Variants in LRRC49 observed in about 807,000 individuals in gnomAD.
LRRC49 encodes the protein leucine-rich repeat-containing protein 49.
Under a neutral mutation model 83.3 loss-of-function variants are expected in LRRC49, and 50 were observed. The observed-to-expected ratio is 0.60, with a 90% confidence interval of 0.48 to 0.76. The LOEUF (loss-of-function observed/expected upper bound fraction) is 0.76, where lower values mean the gene tolerates loss of function less well. Ranked by LOEUF, LRRC49 falls within the 30% of genes least tolerant of loss-of-function variation. The probability of loss-of-function intolerance (pLI) is 0.00; values close to 1 mark genes in which losing one functional copy is unlikely to be tolerated. For missense variants in LRRC49, 704 were observed against 809.1 expected (o/e 0.87, Z 1.58); for synonymous variants, 286 against 283.3 (o/e 1.01, Z -0.10).
chr15:70,980,180 T>G lies in LRRC49; in HGVS notation c.1001T>G (p.Leu334Arg). Residue 334 changes from leucine to arginine, a missense_variant, in exon 10 of 16, where the codon CTT becomes CGT. Around this residue, in one of 3 missense-constraint regions of LRRC49, gnomAD observed 168 missense variants for 140.6 expected, o/e 1.20. Transcript: ENST00000260382. ...KKRESHKQSL[L>R]KEKKRLTINN... Reference sequence around the variant, plus strand: ...CGGGAAAGTCATAAACAATCTTTGCTTAAGGTATTTTCTCTGATGTCTACA... The same window carrying G: ...CGGGAAAGTCATAAACAATCTTTGCGTAAGGTATTTTCTCTGATGTCTACA... 3 of 1,610,272 alleles carry G rather than the reference T, an allele frequency of 1.9e-6. No homozygotes were observed. The highest frequency in any genetic ancestry group is 2.5e-6 in the Non-Finnish European group (3 of 1,177,836).
intron 8 of LRRC49, among the ~76,000 whole-genome samples, chr15:70,946,867 G>A (rs2036026528): frequency 6.6e-6 from 1 of 151,720 alleles, no homozygotes; most frequent in Admixed American, 6.6e-5. Context: ...TTGGCCATTT[G>A]TAATCCTCTT....
In LRRC49 at chr15:70,854,047, C is replaced by T. The variant is rs1190319176; in HGVS notation, c.-299+578C>T. 2.8e-6 allele frequency: 4 copies of T among 1,428,450 alleles called. No individual in the cohort carries two copies. The African/African-American group carries it at 4.4e-5, about 16-fold the overall frequency. The allele number at this position is 1,428,450 out of a possible 1,614,324, so 88.5% of individuals were successfully genotyped here. A position where few individuals can be genotyped will look rare whatever the true frequency, so the allele number is the denominator to read the frequency against. ...GGATGGCGACGCGGATCTGCACCGC[C>T]GTCTTGGGCCCGGGCCGAGCCTCCC... On this transcript the variant is annotated intron_variant, in intron 1 of 16. Transcript: ENST00000544974.
chr15:70,898,296 TAG>T (rs1437108221), intron 3 of LRRC49: 1 of 642,702 alleles, frequency 1.6e-6, no homozygotes, highest in Non-Finnish European at 2.8e-6. Flanking sequence ...ACACGCAAAA[TAG>T]ATTTTCAATT....
chr15:71,033,041 G>A lies in LRRC49; in HGVS notation c.1704-4138G>A, dbSNP rs568431733. Among the ~76,000 whole-genome samples the A allele has an allele frequency of 9.2e-5, 14 of 152,270 alleles. No individual in the cohort carries two copies. In the East Asian group the frequency reaches 1.3e-3, roughly 15 times the overall value. Reference sequence around the variant, plus strand: ...ATCAGGCAAGAGAAAGAAATAAAGCGTATTCAAAAAGGAAGAGAAGAAGTC... The same window carrying A: ...ATCAGGCAAGAGAAAGAAATAAAGCATATTCAAAAAGGAAGAGAAGAAGTC... On this transcript the variant is annotated intron_variant, in intron 14 of 15. Coordinates refer to ENST00000260382, the MANE Select transcript of LRRC49 (RefSeq NM_017691.5).
intron 11 of LRRC49, among the ~76,000 whole-genome samples, chr15:71,006,748 G>A (rs141198780): frequency 6.6e-6 from 1 of 152,216 alleles, no homozygotes; most frequent in East Asian, 1.9e-4. Flanking sequence ...AAGGCAACAA[G>A]TAATTGCAGT....
intron 8 of LRRC49, among the ~76,000 whole-genome samples, chr15:70,941,860 G>A (rs746003830): frequency 1.3e-5 from 2 of 151,918 alleles, no homozygotes; most frequent in Non-Finnish European, 2.9e-5. Flanking sequence ...AATTGTAATC[G>A]TTTTCTATTA....
At chr15:71,033,718 C>G (rs1033948199) in intron 14 of LRRC49, among the ~76,000 whole-genome samples, 17 of 152,086 alleles carry the variant, frequency 1.1e-4, no homozygotes, top group Non-Finnish European at 2.2e-4. Context: ...GAATAGAAAT[C>G]TCAGAAATAA....
At chr15:70,976,750 T>C (rs1026065867) in intron 9 of LRRC49, among the ~76,000 whole-genome samples, 2 of 152,176 alleles carry the variant, frequency 1.3e-5, no homozygotes, top group African/African-American at 4.8e-5. Flanking sequence ...GATATGGCTT[T>C]TGTCCCAGAA....
intron 11 of LRRC49, among the ~76,000 whole-genome samples, chr15:70,995,164 G>C (rs2038033650): frequency 6.6e-6 from 1 of 152,164 alleles, no homozygotes; most frequent in Non-Finnish European, 1.5e-5. Flanking sequence ...GGAAAAGATA[G>C]AAATGATGGG....
chr15:71,045,743 C>T (rs891093417), intron 15 of LRRC49, among the ~76,000 whole-genome samples: 22 of 151,326 alleles, frequency 1.5e-4, no homozygotes, highest in African/African-American at 3.9e-4. Flanking sequence ...GGGTACAGTG[C>T]AGATTTGTTA....
intron 15 of LRRC49, among the ~76,000 whole-genome samples, chr15:71,043,436 A>G (rs1944720090): frequency 6.6e-6 from 1 of 152,234 alleles, no homozygotes; most frequent in African/African-American, 2.4e-5. Context: ...ATATTGTGAG[A>G]CAAAAAGAGA....
intron 14 of LRRC49, among the ~76,000 whole-genome samples, chr15:71,036,740 A>G (rs566231351): frequency 1.5e-4 from 23 of 152,222 alleles, no homozygotes; most frequent in African/African-American, 5.5e-4. Flanking sequence ...ATCCAATTCC[A>G]TTTTCTAGCT....
At chr15:70,943,237 T>C (rs984748119) in intron 8 of LRRC49, among the ~76,000 whole-genome samples, 1 of 152,178 alleles carries the variant, frequency 6.6e-6, no homozygotes, top group African/African-American at 2.4e-5. Context: ...AGTATATTTT[T>C]ATATCTGTTA....
At chr15:70,896,468 G>A (rs1021335042) in intron 3 of LRRC49, among the ~76,000 whole-genome samples, 3 of 152,100 alleles carry the variant, frequency 2.0e-5, no homozygotes, top group Admixed American at 1.3e-4. Context: ...AGCGGGATTT[G>A]GAAATGTGCA....
At chr15:71,004,426 G>A (rs1406013498) in intron 11 of LRRC49, among the ~76,000 whole-genome samples, 2 of 152,170 alleles carry the variant, frequency 1.3e-5, no homozygotes, top group Admixed American at 1.3e-4. Flanking sequence ...GAGGCAGGCA[G>A]ATCACTTGAG....
chr15:70,962,595 A>C, intron 8 of LRRC49, among the ~76,000 whole-genome samples: 1 of 152,126 alleles, frequency 6.6e-6, no homozygotes, highest in East Asian at 1.9e-4. Flanking sequence ...AGTGCCAGAA[A>C]GTAAGAAAGT....
intron 15 of LRRC49, among the ~76,000 whole-genome samples, chr15:71,048,159 T>A (rs1221776883): frequency 1.3e-5 from 2 of 150,160 alleles, no homozygotes; most frequent in African/African-American, 2.5e-5. Flanking sequence ...GATCATAGCT[T>A]AAACTGTAGC....
rs370010041 is a variant in LRRC49, at chr15:70,886,591, G to T, written c.19-6993G>T. On this transcript the variant is annotated intron_variant, in intron 2 of 16. Coordinates refer to the LRRC49 transcript ENST00000544974. ...CTAATAAAAATTGATAAACCGGTGGGGTGCGGTGGCTCACGCCTGTAATCC... is the reference window on the plus strand; with the variant it reads ...CTAATAAAAATTGATAAACCGGTGGTGTGCGGTGGCTCACGCCTGTAATCC... Among the ~76,000 whole-genome samples, 47 of 152,260 alleles carry T rather than the reference G, an allele frequency of 3.1e-4. 1 individual carries two copies. Among genetic ancestry groups the T allele is most frequent in the African/African-American group, 1.1e-3 (45 of 41,546 alleles).
intron 1 of LRRC49, among the ~76,000 whole-genome samples, chr15:70,870,626 G>T (rs1314923642): frequency 1.3e-5 from 2 of 152,160 alleles, no homozygotes; most frequent in African/African-American, 4.8e-5. Context: ...GAGTAGCTGG[G>T]ATTACAGGAA....
Sources: gnomAD v4.1 joint callset for allele counts (sites outside exome capture counted in the v4.1 genomes callset) on GRCh38, gnomAD v4.1.1 for gene constraint, gnomAD v4.1.1 regional missense constraint, MANE v1.5 for transcripts, NCBI Gene and HGNC (gene_info 2026-07-23, HGNC 2026-07-21) for gene names.